MYRIP: variants seen among roughly 807,000 people sequenced by gnomAD.
The protein encoded by MYRIP is myosin VIIA and Rab interacting protein.
Under a neutral mutation model 98.0 loss-of-function variants are expected in MYRIP, and 49 were observed. The observed-to-expected ratio is 0.50, with a 90% CI of 0.40 to 0.63. MYRIP has a LOEUF of 0.63. Ranked by LOEUF, MYRIP falls within the 30% of genes least tolerant of loss-of-function variation. The probability of loss-of-function intolerance (pLI) is 0.00; values close to 1 mark genes in which losing one functional copy is unlikely to be tolerated. For synonymous variants in MYRIP, 404 were observed against 409.5 expected (o/e 0.99, Z 0.16); for missense variants, 1,004 against 1,058.2 (o/e 0.95, Z 0.71).
intron 3 of MYRIP, among the ~76,000 whole-genome samples, chr3:40,056,129 A>T (rs368476441): frequency 1.3e-5 from 2 of 152,150 alleles, no homozygotes; most frequent in East Asian, 3.9e-4. Context: ...TTCTTTGAAG[A>T]TCATCAGCTT....
chr3:39,850,847 T>C (rs1307633338), intron 1 of MYRIP, among the ~76,000 whole-genome samples: 1 of 152,192 alleles, frequency 6.6e-6, no homozygotes, highest in Admixed American at 6.5e-5. Context: ...AGAGGATCAT[T>C]ATCCAGTTGA....
chr3:40,131,744 T>C (rs1949647208), intron 3 of MYRIP, among the ~76,000 whole-genome samples: 1 of 152,256 alleles, frequency 6.6e-6, no homozygotes, highest in Admixed American at 6.5e-5. Context: ...TTTCTATTTA[T>C]AGCTGTGTTT....
chr3:40,105,295 T>A (rs1456871438), intron 3 of MYRIP, among the ~76,000 whole-genome samples: 2 of 152,206 alleles, frequency 1.3e-5, no homozygotes, highest in Admixed American at 1.3e-4. Context: ...AAAGTAAAAT[T>A]TTTAAGTTGT....
intron 1 of MYRIP, among the ~76,000 whole-genome samples, chr3:39,856,362 C>T (rs1018785044): frequency 7.7e-4 from 117 of 152,332 alleles, no homozygotes; most frequent in African/African-American, 2.7e-3. Context: ...CCTTCTTCCC[C>T]GCTCCCTGCC....
chr3:39,845,526 G>A (rs1941937825), intron 1 of MYRIP, among the ~76,000 whole-genome samples: 2 of 151,926 alleles, frequency 1.3e-5, no homozygotes, highest in South Asian at 4.1e-4. Context: ...GTCATATACT[G>A]AGCATTAGGC....
chr3:40,142,046 G>GA (rs1949908310), intron 3 of MYRIP, among the ~76,000 whole-genome samples: 1 of 108,240 alleles, frequency 9.2e-6, no homozygotes, highest in African/African-American at 3.8e-5. Flanking sequence ...GTATGCTGTT[G>GA]ATTTTTTTTT....
intron 1 of MYRIP, among the ~76,000 whole-genome samples, chr3:39,881,230 CTGTT>C (rs61685068): frequency 0.32 from 48,520 of 151,564 alleles, 7,834 homozygotes; most frequent in Middle Eastern, 0.45. Context: ...TTCTGTTATC[CTGTT>C]TGTTAGTTTT....
At chr3:39,904,487 C>A (rs1224246482) in intron 2 of MYRIP, among the ~76,000 whole-genome samples, 1 of 152,102 alleles carries the variant, frequency 6.6e-6, no homozygotes, top group Non-Finnish European at 1.5e-5. Flanking sequence ...CTGCCCACCT[C>A]GGCCTCCCAA....
In MYRIP at chr3:40,240,866, G is replaced by A. The variant is rs76998903; in HGVS notation, c.2101-3580G>A. Among the ~76,000 whole-genome samples, 368 of 152,272 alleles carry A rather than the reference G, an allele frequency of 2.4e-3. 1 individual carries two copies. Among genetic ancestry groups the A allele is most frequent in the African/African-American group, 8.3e-3 (345 of 41,556 alleles). On this transcript the variant is annotated intron_variant, in intron 12 of 16. Transcript: ENST00000302541. ...AGAGGAGAGTTTCATGAAAGGGGCT[G>A]TTAACTCAGGTGTGGGCAAGGTTAA...
At chr3:39,866,197 G>C (rs929366098) in intron 1 of MYRIP, among the ~76,000 whole-genome samples, 10 of 151,808 alleles carry the variant, frequency 6.6e-5, no homozygotes, top group African/African-American at 2.4e-4. Context: ...TGGAATTGAG[G>C]TTAAGGATTT....
intron 11 of MYRIP, among the ~76,000 whole-genome samples, chr3:40,230,856 C>T (rs1405113408): frequency 2.8e-5 from 4 of 145,046 alleles, no homozygotes; most frequent in African/African-American, 5.1e-5. Context: ...GGCGGAATTT[C>T]GCTCTTGTTG....
intron 3 of MYRIP, among the ~76,000 whole-genome samples, chr3:40,146,777 G>GCA (rs774441620): frequency 3.3e-5 from 5 of 151,876 alleles, no homozygotes; most frequent in South Asian, 4.2e-4. Flanking sequence ...ATGCACGTAT[G>GCA]CACACACACA....
At chr3:39,834,228 C>A (rs112863251) in intron 1 of MYRIP, among the ~76,000 whole-genome samples, 6 of 152,256 alleles carry the variant, frequency 3.9e-5, no homozygotes, top group South Asian at 2.1e-4. Context: ...AGTTCTGTAA[C>A]CTTGTCTGTA....
intron 1 of MYRIP, among the ~76,000 whole-genome samples, chr3:39,842,821 C>T (rs184199466): frequency 5.4e-4 from 82 of 152,308 alleles, no homozygotes; most frequent in African/African-American, 1.9e-3. Flanking sequence ...TGAGATGAAC[C>T]ATGTACCTCA....
chr3:40,092,133 A>G, intron 3 of MYRIP, among the ~76,000 whole-genome samples: 1 of 152,182 alleles, frequency 6.6e-6, no homozygotes, highest in East Asian at 1.9e-4. Context: ...CTGAAGACAC[A>G]GAGCCCCTCA....
At chr3:39,955,339 C>G (rs892353171) in intron 2 of MYRIP, among the ~76,000 whole-genome samples, 4 of 152,188 alleles carry the variant, frequency 2.6e-5, no homozygotes, top group Non-Finnish European at 4.4e-5. Context: ...TCTGCAGAAA[C>G]TCTACAAGCC....
intron 2 of MYRIP, among the ~76,000 whole-genome samples, chr3:39,989,850 C>A (rs958524414): frequency 6.6e-6 from 1 of 152,216 alleles, no homozygotes; most frequent in Non-Finnish European, 1.5e-5. Context: ...AGCTGTCCAG[C>A]CTCCCCAGCT....
At chr3:39,834,131 C>T (rs1941552003) in intron 1 of MYRIP, among the ~76,000 whole-genome samples, 1 of 152,210 alleles carries the variant, frequency 6.6e-6, no homozygotes. Flanking sequence ...CCTTCCCAGC[C>T]TTTGGTAGTC....
At chr3:40,018,028 G>T (rs1315530896) in intron 2 of MYRIP, among the ~76,000 whole-genome samples, 3 of 152,134 alleles carry the variant, frequency 2.0e-5, no homozygotes, top group Non-Finnish European at 2.9e-5. Flanking sequence ...CTTTAAACTA[G>T]AAGTTTTCTC....
Sources: gnomAD v4.1 joint callset for allele counts (sites outside exome capture counted in the v4.1 genomes callset) on GRCh38, gnomAD v4.1.1 for gene constraint, MANE v1.5 for transcripts, NCBI Gene and HGNC (gene_info 2026-07-23, HGNC 2026-07-21) for gene names.